Variants in DSCAM observed in about 807,000 individuals in gnomAD.
DSCAM encodes cell adhesion molecule DSCAM.
Under a neutral mutation model 217.7 loss-of-function variants are expected in DSCAM, and 47 were observed. The ratio of observed to expected loss-of-function variants is 0.22; its 90% confidence interval spans 0.17 to 0.28. DSCAM has a LOEUF of 0.28. Among genes scored for constraint, DSCAM ranks in the 10% least tolerant of loss-of-function variants. The pLI is 1.00. For missense variants in DSCAM, 2,080 were observed against 2,618.3 expected (o/e 0.79, Z 4.49); for synonymous variants, 1,056 against 1,015.3 (o/e 1.04, Z -0.76).
intron 3 of DSCAM, among the ~76,000 whole-genome samples, chr21:40,601,548 T>C (rs927662142): frequency 6.6e-6 from 1 of 152,218 alleles, no homozygotes; most frequent in Non-Finnish European, 1.5e-5. Flanking sequence ...CAGCACAATG[T>C]TGAAAAGGAG....
At chr21:40,033,559 G>C (rs532765992) in intron 32 of DSCAM, among the ~76,000 whole-genome samples, 27 of 151,732 alleles carry the variant, frequency 1.8e-4, no homozygotes, top group African/African-American at 6.1e-4. Flanking sequence ...TAGCACAGCA[G>C]TCTGAGATCA....
chr21:40,361,619 AAAACAAAC>A (rs376186649), intron 4 of DSCAM, among the ~76,000 whole-genome samples: 6 of 152,006 alleles, frequency 3.9e-5, no homozygotes, highest in East Asian at 1.9e-4. Context: ...CTCCATCTCA[AAAACAAAC>A]AAACAAACAA....
chr21:40,750,799 C>G (rs1418092700), intron 1 of DSCAM, among the ~76,000 whole-genome samples: 2 of 152,244 alleles, frequency 1.3e-5, no homozygotes. Flanking sequence ...CTCACTTTTT[C>G]TGTCACCTCA....
At chr21:40,357,272 A>G (rs2074703697) in intron 4 of DSCAM, among the ~76,000 whole-genome samples, 1 of 152,216 alleles carries the variant, frequency 6.6e-6, no homozygotes, top group Admixed American at 6.5e-5. Context: ...TGGTTTGAAG[A>G]TCAAGTTATG....
At chr21:40,792,758 A>T (rs1354454200) in intron 1 of DSCAM, among the ~76,000 whole-genome samples, 2 of 152,152 alleles carry the variant, frequency 1.3e-5, no homozygotes, top group Non-Finnish European at 2.9e-5. Flanking sequence ...TAAAGAAATA[A>T]AACTCCTTCT....
At position 40,126,706 on chromosome 21, in the gene DSCAM, T is replaced by C. The variant is rs2090097692; in HGVS notation, c.3563-2378A>G. ...AAGTTTGGTGATTCCTTGTTTTAAG[T>C]GATGATTTCCGTGAGCATGCCTGTG... On this transcript the variant is annotated intron_variant, in intron 19 of 32. Coordinates refer to ENST00000400454, the MANE Select transcript of DSCAM (RefSeq NM_001389.5). Among the ~76,000 whole-genome samples the C allele has an allele frequency of 3.9e-5, 6 of 152,330 alleles. 1 individual carries two copies. The South Asian group carries it at 1.2e-3, about 32-fold the overall frequency.
At chr21:40,213,101 A>G (rs947577262) in intron 11 of DSCAM, among the ~76,000 whole-genome samples, 2 of 152,250 alleles carry the variant, frequency 1.3e-5, no homozygotes, top group African/African-American at 4.8e-5. Context: ...CATCGTGGTC[A>G]TTTTGCATGG....
intron 2 of DSCAM, among the ~76,000 whole-genome samples, chr21:40,703,986 T>C (rs150523929): frequency 5.9e-5 from 9 of 152,286 alleles, no homozygotes; most frequent in Non-Finnish European, 1.0e-4. Flanking sequence ...CTTTCATTAT[T>C]ATCATCTTGC....
intron 26 of DSCAM, among the ~76,000 whole-genome samples, chr21:40,077,487 G>A (rs1490650142): frequency 1.3e-5 from 2 of 152,208 alleles, no homozygotes; most frequent in East Asian, 3.9e-4. Context: ...TAGGTTCACA[G>A]CCACTCTTCT....
intron 27 of DSCAM, among the ~76,000 whole-genome samples, chr21:40,071,371 T>C (rs1458190633): frequency 6.6e-6 from 1 of 152,176 alleles, no homozygotes; most frequent in Non-Finnish European, 1.5e-5. Context: ...AGAGAGAATA[T>C]AGGTTGACGA....
intron 9 of DSCAM, among the ~76,000 whole-genome samples, chr21:40,305,086 G>A (rs2074057609): frequency 6.6e-6 from 1 of 152,032 alleles, no homozygotes; most frequent in Non-Finnish European, 1.5e-5. Context: ...CGATATCTGG[G>A]AAGCACAATA....
chr21:40,758,959 G>A (rs975472782), intron 1 of DSCAM, among the ~76,000 whole-genome samples: 2 of 152,114 alleles, frequency 1.3e-5, no homozygotes, highest in Admixed American at 1.3e-4. Flanking sequence ...ATTTATTCTT[G>A]TTAATAGATC....
chr21:40,719,754 T>C (rs1418090003), intron 1 of DSCAM, among the ~76,000 whole-genome samples: 1 of 152,206 alleles, frequency 6.6e-6, no homozygotes, highest in East Asian at 1.9e-4. Flanking sequence ...AACTAATCTA[T>C]GATGTTGAGA....
At chr21:40,261,289 C>T (rs573043581) in intron 11 of DSCAM, among the ~76,000 whole-genome samples, 114 of 152,260 alleles carry the variant, frequency 7.5e-4, no homozygotes, top group Admixed American at 1.5e-3. Context: ...AAATCTTGCC[C>T]ACATATTTGG....
chr21:40,583,680 A>C (rs147301369), intron 3 of DSCAM, among the ~76,000 whole-genome samples: 1 of 152,168 alleles, frequency 6.6e-6, no homozygotes, highest in East Asian at 1.9e-4. Context: ...TCAAATATTC[A>C]AGGAAACTAA....
At chr21:40,532,590 G>T (rs2076456086) in intron 3 of DSCAM, among the ~76,000 whole-genome samples, 1 of 152,180 alleles carries the variant, frequency 6.6e-6, no homozygotes, top group Non-Finnish European at 1.5e-5. Flanking sequence ...TCTTGCCGAG[G>T]GCTTTAGCTC....
intron 5 of DSCAM, 22 bp from the exon 6 acceptor site, chr21:40,347,967 A>G: frequency 6.3e-7 from 1 of 1,597,584 alleles, no homozygotes; most frequent in Non-Finnish European, 8.5e-7. Context: ...AGTAAGAGAG[A>G]GAGAAAAAAG....
chr21:40,240,349 GTTTTTTTTTT>G (rs749073872), intron 11 of DSCAM, among the ~76,000 whole-genome samples: 2 of 57,732 alleles, frequency 3.5e-5, no homozygotes, highest in Non-Finnish European at 6.1e-5. Flanking sequence ...TTCCTCACTG[GTTTTTTTTTT>G]TTTTTTTTTT....
chr21:40,218,628 A>ATT (rs554814731), intron 11 of DSCAM, among the ~76,000 whole-genome samples: 3 of 148,636 alleles, frequency 2.0e-5, no homozygotes, highest in African/African-American at 7.4e-5. Flanking sequence ...TGAGCTTGGG[A>ATT]TTTTTTTTTT....
Sources: gnomAD v4.1 joint callset for allele counts (sites outside exome capture counted in the v4.1 genomes callset) on GRCh38, gnomAD v4.1.1 for gene constraint, MANE v1.5 for transcripts, NCBI Gene and HGNC (gene_info 2026-07-23, HGNC 2026-07-21) for gene names.